FRMD4A: variants seen among roughly 807,000 people sequenced by gnomAD.
FRMD4A encodes FERM domain-containing protein 4A.
A neutral mutation model predicts 129.1 loss-of-function variants in FRMD4A; 29 were observed. That is an observed-to-expected ratio of 0.22 (90% CI 0.17 to 0.31). The LOEUF (loss-of-function observed/expected upper bound fraction) is 0.31. Among genes scored for constraint, FRMD4A ranks in the 10% least tolerant of loss-of-function variants. The pLI is 1.00. For synonymous variants in FRMD4A, 634 were observed against 571.6 expected (o/e 1.11, Z -1.56); for missense variants, 1,272 against 1,375.8 (o/e 0.92, Z 1.19).
At chr10:13,669,019 T>C (rs1589283342) in intron 17 of FRMD4A, among the ~76,000 whole-genome samples, 1 of 150,088 alleles carries the variant, frequency 6.7e-6, no homozygotes, top group South Asian at 2.1e-4. Context: ...GGCTATGAGC[T>C]CCATTTTACA....
chr10:14,004,670 C>A (rs1207215821), intron 2 of FRMD4A, among the ~76,000 whole-genome samples: 1 of 152,190 alleles, frequency 6.6e-6, no homozygotes, highest in African/African-American at 2.4e-5. Context: ...TGTGTTACGT[C>A]CTTGCATACA....
intron 3 of FRMD4A, among the ~76,000 whole-genome samples, chr10:13,829,412 C>A (rs1172640617): frequency 6.6e-6 from 1 of 152,048 alleles, no homozygotes; most frequent in Non-Finnish European, 1.5e-5. Context: ...GTGGTCCCAG[C>A]ACAGGAGTTT....
At chr10:14,122,168 C>T (rs1043182743) in intron 2 of FRMD4A, among the ~76,000 whole-genome samples, 3 of 152,126 alleles carry the variant, frequency 2.0e-5, no homozygotes, top group African/African-American at 4.8e-5. Context: ...AAAGCCTTTG[C>T]TTTGTAAAGG....
intron 12 of FRMD4A, among the ~76,000 whole-genome samples, chr10:13,732,492 C>T (rs1168462562): frequency 6.6e-6 from 1 of 152,180 alleles, no homozygotes; most frequent in African/African-American, 2.4e-5. Context: ...TCACCCCTGC[C>T]ACTGCCTCTA....
At chr10:13,693,855 CA>C in intron 15 of FRMD4A, 42 bp downstream of exon 15, 1 of 1,604,238 alleles carries the variant, frequency 6.2e-7, no homozygotes, top group Non-Finnish European at 8.5e-7. Flanking sequence ...TCTGGGGTCC[CA>C]GCCATGCTCA....
intron 5 of FRMD4A, among the ~76,000 whole-genome samples, chr10:13,785,586 T>C (rs2092833700): frequency 6.6e-6 from 1 of 152,300 alleles, no homozygotes; most frequent in South Asian, 2.1e-4. Context: ...ATTTTCTTTT[T>C]TAAATTTTTT....
chr10:14,166,120 ATATTT>A (rs978324182), intron 2 of FRMD4A, among the ~76,000 whole-genome samples: 29 of 151,048 alleles, frequency 1.9e-4, no homozygotes, highest in Non-Finnish European at 3.7e-4. Flanking sequence ...ATATAAAACA[ATATTT>A]TATTAACATA....
chr10:14,136,491 T>C (rs997645680), intron 2 of FRMD4A, among the ~76,000 whole-genome samples: 2 of 152,164 alleles, frequency 1.3e-5, no homozygotes, highest in Admixed American at 6.5e-5. Flanking sequence ...CTATTGCTTA[T>C]GTAAAAATGC....
chr10:13,980,401 G>T (rs977578051), intron 2 of FRMD4A, among the ~76,000 whole-genome samples: 1 of 152,142 alleles, frequency 6.6e-6, no homozygotes, highest in African/African-American at 2.4e-5. Context: ...ATTTGCTAAA[G>T]AAATCTCGAT....
At chr10:13,925,776 G>A (rs1201466408) in intron 2 of FRMD4A, among the ~76,000 whole-genome samples, 5 of 150,768 alleles carry the variant, frequency 3.3e-5, no homozygotes, top group Admixed American at 6.6e-5. Flanking sequence ...GTAGAGACAG[G>A]GTTTCACCGT....
intron 24 of FRMD4A, among the ~76,000 whole-genome samples, chr10:13,648,446 C>G (rs1401156861): frequency 6.6e-6 from 1 of 152,164 alleles, no homozygotes. Context: ...CCTAACTCCA[C>G]GTGGTCCTGG....
chr10:13,658,435 T>C, intron 21 of FRMD4A, among the ~76,000 whole-genome samples: 1 of 152,248 alleles, frequency 6.6e-6, no homozygotes, highest in Non-Finnish European at 1.5e-5. Context: ...TGGCAGATGA[T>C]GTTGCCCGAT....
intron 2 of FRMD4A, among the ~76,000 whole-genome samples, chr10:14,063,859 A>G (rs1393410439): frequency 2.0e-5 from 3 of 152,196 alleles, no homozygotes. Context: ...CTTGTTATAT[A>G]TGTGTCACTA....
intron 2 of FRMD4A, among the ~76,000 whole-genome samples, chr10:13,885,462 CA>C (rs796748791): frequency 1.8e-4 from 27 of 152,290 alleles, no homozygotes; most frequent in African/African-American, 6.3e-4. Context: ...CATCAGGAGG[CA>C]GGGACACCAG....
intron 2 of FRMD4A, among the ~76,000 whole-genome samples, chr10:14,197,881 A>C (rs932788643): frequency 1.3e-5 from 2 of 152,196 alleles, no homozygotes; most frequent in Non-Finnish European, 2.9e-5. Context: ...TTTCCACGAG[A>C]CAGAATATTC....
At chr10:13,882,521 C>G (rs1025978063) in intron 2 of FRMD4A, among the ~76,000 whole-genome samples, 4 of 152,186 alleles carry the variant, frequency 2.6e-5, no homozygotes, top group Non-Finnish European at 5.9e-5. Flanking sequence ...TGGAATCCTA[C>G]CCAGTGAGGC....
At chr10:14,299,498 C>T (rs1215248436) in intron 2 of FRMD4A, among the ~76,000 whole-genome samples, 5 of 152,166 alleles carry the variant, frequency 3.3e-5, no homozygotes, top group Non-Finnish European at 5.9e-5. Context: ...GTTTTCACCC[C>T]GTGTGGCAAG....
intron 2 of FRMD4A, chr10:14,003,701 G>A (rs760274960): frequency 3.3e-5 from 5 of 152,214 alleles, no homozygotes; most frequent in African/African-American, 9.6e-5. Context: ...CAGAAGCCTA[G>A]CAGATTTCAC....
At chr10:14,271,738 T>C (rs1845169899) in intron 2 of FRMD4A, among the ~76,000 whole-genome samples, 1 of 152,210 alleles carries the variant, frequency 6.6e-6, no homozygotes, top group African/African-American at 2.4e-5. Flanking sequence ...CTGGCATCTA[T>C]AAAAATGTAA....
Sources: gnomAD v4.1 joint callset for allele counts (sites outside exome capture counted in the v4.1 genomes callset) on GRCh38, gnomAD v4.1.1 for gene constraint, MANE v1.5 for transcripts, NCBI Gene and HGNC (gene_info 2026-07-23, HGNC 2026-07-21) for gene names.